The following GLI3 variants were observed in gnomAD, a reference collection of about 807,000 sequenced individuals.
GLI3 encodes the protein transcription activator GLI3.
In GLI3, 20 loss-of-function variants were observed where a neutral mutation model predicts 100.8. The ratio of observed to expected loss-of-function variants is 0.20; its 90% CI spans 0.14 to 0.29. The LOEUF is 0.29. Among genes scored for constraint, GLI3 ranks in the 10% least tolerant of loss-of-function variants. The probability of loss-of-function intolerance (pLI) is 1.00; values close to 1 mark genes in which losing one functional copy is unlikely to be tolerated. For synonymous variants in GLI3, 938 were observed against 860.5 expected (o/e 1.09, Z -1.58); for missense variants, 2,040 against 2,128.5 (o/e 0.96, Z 0.82).
intron 2 of GLI3, among the ~76,000 whole-genome samples, chr7:42,150,801 G>A (rs1353386537): frequency 6.6e-6 from 1 of 152,152 alleles, no homozygotes; most frequent in Non-Finnish European, 1.5e-5. Flanking sequence ...TTTATGATGA[G>A]CATTTGAATC....
intron 10 of GLI3, among the ~76,000 whole-genome samples, chr7:42,007,172 G>C (rs541106843): frequency 1.3e-5 from 2 of 149,910 alleles, no homozygotes; most frequent in South Asian, 4.3e-4. Flanking sequence ...CAGAACACAG[G>C]GGAATAGAGT....
intron 10 of GLI3, among the ~76,000 whole-genome samples, chr7:42,016,182 C>G (rs1003236733): frequency 6.6e-6 from 1 of 152,086 alleles, no homozygotes; most frequent in Admixed American, 6.5e-5. Context: ...TTTGGTGTAA[C>G]CACCGAAGAA....
At chr7:42,188,989 T>C (rs1056016721) in intron 2 of GLI3, among the ~76,000 whole-genome samples, 1 of 152,174 alleles carries the variant, frequency 6.6e-6, no homozygotes, top group Non-Finnish European at 1.5e-5. Context: ...AAGTAATCTA[T>C]GGACTTTGGG....
intron 4 of GLI3, among the ~76,000 whole-genome samples, chr7:42,064,116 G>A (rs573715430): frequency 1.3e-5 from 2 of 152,164 alleles, no homozygotes; most frequent in African/African-American, 4.8e-5. Context: ...AGTAATGAGG[G>A]AAGTATGACC....
At chr7:42,053,834 G>C (rs1050282635) in intron 4 of GLI3, among the ~76,000 whole-genome samples, 7 of 152,330 alleles carry the variant, frequency 4.6e-5, no homozygotes, top group African/African-American at 1.7e-4. Context: ...CAGCAAAAGA[G>C]TATAGAAATA....
chr7:42,102,613 T>C (rs1197517827), intron 3 of GLI3, among the ~76,000 whole-genome samples: 2 of 152,208 alleles, frequency 1.3e-5, no homozygotes, highest in African/African-American at 4.8e-5. Context: ...TGCACTTAAC[T>C]TCTTGGGCTT....
intron 4 of GLI3, among the ~76,000 whole-genome samples, chr7:42,054,216 A>G (rs1279658962): frequency 6.6e-6 from 1 of 152,240 alleles, no homozygotes; most frequent in East Asian, 1.9e-4. Flanking sequence ...TTAACAGTAC[A>G]CCATGAGAAA....
intron 4 of GLI3, 68 bp from the exon 5 acceptor site, chr7:42,048,764 C>A: frequency 9.7e-7 from 1 of 1,034,958 alleles, no homozygotes; most frequent in South Asian, 1.3e-5. Context: ...CAGAGGCTGT[C>A]TCTGAAAGAA....
chr7:41,990,122 T>TACACACACAC (rs3138802), intron 10 of GLI3, among the ~76,000 whole-genome samples: 130 of 148,974 alleles, frequency 8.7e-4, no homozygotes, highest in East Asian at 4.6e-3. Context: ...AATGCTTGCT[T>TACACACACAC]ACACACACAC....
intron 7 of GLI3, among the ~76,000 whole-genome samples, chr7:42,035,745 G>A (rs963102161): frequency 2.3e-5 from 2 of 85,752 alleles, no homozygotes; most frequent in African/African-American, 2.0e-4. Flanking sequence ...TTCCTAGAGA[G>A]AAGGGTTTTA....
At chr7:42,016,340 T>C (rs760488368) in intron 10 of GLI3, among the ~76,000 whole-genome samples, 1 of 152,186 alleles carries the variant, frequency 6.6e-6, no homozygotes, top group Non-Finnish European at 1.5e-5. Context: ...ACTGGGGGCC[T>C]ATCGACATCT....
At position 41,964,774 on chromosome 7, in the gene GLI3, G is replaced by A. The variant is rs763199119; in HGVS notation, c.4299C>T (p.Cys1433=). 5 of 1,613,980 alleles carry A rather than the reference G, an allele frequency of 3.1e-6. No individual in the cohort carries two copies. Among genetic ancestry groups the A allele is most frequent in the South Asian group, 1.1e-5 (1 of 91,080 alleles). Residue 1433 remains cysteine (C), a synonymous_variant, in exon 15 of 15, where the codon TGC becomes TGT. Coordinates refer to ENST00000395925, the MANE Select transcript of GLI3 (RefSeq NM_000168.6). ...GACCAGAGTAATTCTGCAGATTAGA[G>A]CACAGCGGATGGGGCTGCCCTTTCA... ...MEMKGQPHPL[C]SNLQNYSGQF...
intron 3 of GLI3, among the ~76,000 whole-genome samples, chr7:42,099,507 T>A (rs1232955670): frequency 6.6e-6 from 1 of 152,214 alleles, no homozygotes; most frequent in Non-Finnish European, 1.5e-5. Flanking sequence ...GCAATGAACA[T>A]ATTATATTTA....
At position 42,161,350 on chromosome 7, in the gene GLI3, A is replaced by G. The variant is rs1001826210; in HGVS notation, c.125-12882T>C. On this transcript the variant is annotated intron_variant, in intron 2 of 14. Coordinates refer to ENST00000395925, the MANE Select transcript of GLI3 (RefSeq NM_000168.6). Reference sequence around the variant, plus strand: ...TTCATGTTGTCTACAGCTGTTTTGGAGCCACAACAGCAGAGTTGAGTAGTG... The same window carrying G: ...TTCATGTTGTCTACAGCTGTTTTGGGGCCACAACAGCAGAGTTGAGTAGTG... Among the ~76,000 whole-genome samples, 10 of 152,334 alleles carry G rather than the reference A, an allele frequency of 6.6e-5. No homozygotes were observed. In the South Asian group the frequency reaches 1.5e-3, roughly 22 times the overall value.
intron 2 of GLI3, among the ~76,000 whole-genome samples, chr7:42,160,355 G>A (rs846402): frequency 0.059 from 9,018 of 152,198 alleles, 650 homozygotes; most frequent in African/African-American, 0.18. Flanking sequence ...AATTTTGTCA[G>A]ATTTTGGAAT....
chr7:42,163,471 C>T (rs1787174314), intron 2 of GLI3, among the ~76,000 whole-genome samples: 1 of 151,572 alleles, frequency 6.6e-6, no homozygotes, highest in South Asian at 2.1e-4. Flanking sequence ...TCTTGTTGCC[C>T]AGGCTGGAGT....
intron 4 of GLI3, among the ~76,000 whole-genome samples, chr7:42,069,128 C>T (rs989523344): frequency 6.6e-6 from 1 of 152,148 alleles, no homozygotes; most frequent in African/African-American, 2.4e-5. Context: ...TGCTCCTGGA[C>T]CGTGCTGCTG....
chr7:42,175,717 C>A (rs7791254), intron 2 of GLI3, among the ~76,000 whole-genome samples: 38,248 of 151,872 alleles, frequency 0.25, 5,199 homozygotes, highest in South Asian at 0.34. Context: ...ACATTAAAAA[C>A]CATTAACTCT....
chr7:42,127,701 T>C (rs1010921096), intron 3 of GLI3, among the ~76,000 whole-genome samples: 1 of 152,212 alleles, frequency 6.6e-6, no homozygotes, highest in Non-Finnish European at 1.5e-5. Flanking sequence ...GGCATTAAAA[T>C]GAACCATGTT....
Sources: allele counts gnomAD v4.1 joint callset (sites outside exome capture counted in the v4.1 genomes callset), GRCh38; gene constraint gnomAD v4.1.1; transcripts MANE v1.5; gene names NCBI Gene and HGNC (gene_info 2026-07-23, HGNC 2026-07-21).